The following ARHGAP27 variants were observed in gnomAD, a reference collection of about 807,000 sequenced individuals.
ARHGAP27 encodes rho GTPase-activating protein 27.
A neutral mutation model predicts 102.0 loss-of-function variants in ARHGAP27; 53 were observed. The ratio of observed to expected loss-of-function variants is 0.52; its 90% CI spans 0.42 to 0.65. The LOEUF (loss-of-function observed/expected upper bound fraction) is 0.65. Among genes scored for constraint, ARHGAP27 ranks in the 30% least tolerant of loss-of-function variants. ARHGAP27 has a pLI of 0.00. For missense variants in ARHGAP27, 1,117 were observed against 1,256.2 expected (o/e 0.89, Z 1.68); for synonymous variants, 525 against 542.8 (o/e 0.97, Z 0.46).
chr17:45,395,812 A>G lies in ARHGAP27; in HGVS notation c.2424T>C (p.Arg808=). 6.2e-7 allele frequency: 1 copy of G among 1,606,332 alleles called. No homozygotes were observed. Among genetic ancestry groups the G allele is most frequent in the East Asian group, 2.2e-5 (1 of 44,530 alleles). Residue 808 remains arginine, a synonymous_variant, in exon 19 of 20, where the codon CGT becomes CGC. Coordinates refer to ENST00000685559, the MANE Select transcript of ARHGAP27 (RefSeq NM_001282290.2). ...QDQARRSRCV[R]DLVRSLPAPN... Reference sequence around the variant, plus strand: ...GAGCGGGCAGCGAGCGCACCAAGTCACGCACACAGCGGCTGCGCCGGGCCT... The same window carrying G: ...GAGCGGGCAGCGAGCGCACCAAGTCGCGCACACAGCGGCTGCGCCGGGCCT...
intron 4 of ARHGAP27, among the ~76,000 whole-genome samples, chr17:45,406,974 C>A (rs2047248471): frequency 6.6e-6 from 1 of 152,120 alleles, no homozygotes; most frequent in South Asian, 2.1e-4. Context: ...TTTACTCCAC[C>A]CCAAAGGAGA....
Position 45,395,512 on chromosome 17 carries a change from T to G in ARHGAP27, c.2614A>C (p.Asn872His). The G allele has an allele frequency of 6.3e-7, 1 of 1,596,720 alleles. No individual in the cohort carries two copies. Among genetic ancestry groups the G allele is most frequent in the Non-Finnish European group, 8.5e-7 (1 of 1,171,404 alleles). The change falls in exon 20 of 20, where the codon AAC becomes CAC. Residue 872 changes from asparagine (N) to histidine (H), a missense_variant. Transcript: ENST00000685559. The part of the protein sequence containing the change: ...TSMPMTMVFQ[N>H]QVVELILQQC... The stretch of plus-strand genomic sequence containing the variant: ...TGCAGGATGAGCTCCACCACCTGGT[T>G]CTGGAACACCATGGTCATGGGCATG...
At chr17:45,405,187 C>G (rs1052461142) in intron 5 of ARHGAP27, 81 bp from the exon 6 acceptor site, 2 of 1,440,072 alleles carry the variant, frequency 1.4e-6, no homozygotes, top group Non-Finnish European at 9.3e-7. Flanking sequence ...CCAGGCCCAC[C>G]CCCTTGCCTT....
intron 4 of ARHGAP27, among the ~76,000 whole-genome samples, chr17:45,422,298 T>C (rs531654389): frequency 2.0e-5 from 3 of 148,602 alleles, no homozygotes; most frequent in Admixed American, 1.3e-4. Flanking sequence ...GGCCATGTGG[T>C]CCCACGTTCT....
At chr17:45,404,135 G>A (rs1037285597) in intron 9 of ARHGAP27, 39 bp from the exon 10 acceptor site, 1 of 1,612,506 alleles carries the variant, frequency 6.2e-7, no homozygotes, top group Non-Finnish European at 8.5e-7. Context: ...AGAGTGTGTA[G>A]TTAAGGGGTG....
Position 45,430,992 on chromosome 17 carries a change from G to T in ARHGAP27, c.-19+629C>A, listed in dbSNP as rs545547641. Reference sequence around the variant, plus strand: ...CTTCCCCAGCTGCATCACCGCAGACGTGAGCCCGAGCCCGGCCCGCCCAGC... The same window carrying T: ...CTTCCCCAGCTGCATCACCGCAGACTTGAGCCCGAGCCCGGCCCGCCCAGC... On this transcript the variant is annotated intron_variant, in intron 3 of 19. Transcript: ENST00000685559. This position sits in a 1 kb window ranked among gnomAD's most constrained non-coding sequence, Gnocchi z 4.4. Among the ~76,000 whole-genome samples, 6 of 152,002 alleles carry T rather than the reference G, an allele frequency of 3.9e-5. No homozygotes were observed. Among genetic ancestry groups the T allele is most frequent in the Non-Finnish European group, 7.4e-5 (5 of 67,986 alleles).
chr17:45,409,991 T>C (rs2144675712), intron 4 of ARHGAP27: 1 of 549,376 alleles, frequency 1.8e-6, no homozygotes, highest in South Asian at 2.3e-5. Context: ...GGTACTGCCT[T>C]ACAGTGGTTC....
At chr17:45,413,037 T>G (rs2048091966) in intron 4 of ARHGAP27, among the ~76,000 whole-genome samples, 1 of 128,384 alleles carries the variant, frequency 7.8e-6, no homozygotes, top group African/African-American at 2.9e-5. Flanking sequence ...TGGGGTGCAG[T>G]GGCTCGATCT....
At chr17:45,416,430 C>T (rs1249969480) in intron 4 of ARHGAP27, among the ~76,000 whole-genome samples, 1 of 151,738 alleles carries the variant, frequency 6.6e-6, no homozygotes, top group Non-Finnish European at 1.5e-5. Context: ...TAAAAATAAA[C>T]ACGGCAAATA....
intron 4 of ARHGAP27, among the ~76,000 whole-genome samples, chr17:45,412,768 G>A (rs9916694): frequency 0.014 from 2,179 of 152,186 alleles, 46 homozygotes; most frequent in African/African-American, 0.049. Context: ...GGGCAGGATC[G>A]GAGGAGCTGG....
intron 4 of ARHGAP27, among the ~76,000 whole-genome samples, chr17:45,419,512 G>GTGTATA (rs1555563610): frequency 8.3e-6 from 1 of 119,792 alleles, no homozygotes; most frequent in African/African-American, 3.4e-5. Flanking sequence ...TATGCTGTAT[G>GTGTATA]TATATATATA....
chr17:45,403,540 G>T, intron 11 of ARHGAP27, 79 bp downstream of exon 11: 1 of 1,226,702 alleles, frequency 8.2e-7, no homozygotes, highest in Non-Finnish European at 1.1e-6. Flanking sequence ...GACAGAGCGA[G>T]ACTCCGTCTC....
At chr17:45,414,602 C>G (rs572667938) in intron 4 of ARHGAP27, among the ~76,000 whole-genome samples, 5 of 143,358 alleles carry the variant, frequency 3.5e-5, no homozygotes, top group Non-Finnish European at 7.6e-5. Context: ...CACACCACCA[C>G]GCCCGGCTAA....
At chr17:45,397,615 A>G (rs1420802298) in intron 13 of ARHGAP27, 4 of 304,100 alleles carry the variant, frequency 1.3e-5, no homozygotes, top group African/African-American at 6.4e-5. Context: ...ATTGAAATCA[A>G]TCCTTTAAAA....
chr17:45,402,268 C>T (rs1329279740), intron 12 of ARHGAP27, among the ~76,000 whole-genome samples: 4 of 152,230 alleles, frequency 2.6e-5, no homozygotes, highest in Non-Finnish European at 4.4e-5. Flanking sequence ...CAGGCTGGGA[C>T]GAGGGCTGCC....
chr17:45,428,127 C>T (rs2049785109), intron 4 of ARHGAP27, among the ~76,000 whole-genome samples: 1 of 152,244 alleles, frequency 6.6e-6, no homozygotes, highest in South Asian at 2.1e-4. Flanking sequence ...GCCATTCCCC[C>T]ACCTCCAGGG....
intron 4 of ARHGAP27, chr17:45,410,321 T>C: frequency 6.7e-7 from 1 of 1,488,878 alleles, no homozygotes; most frequent in Non-Finnish European, 8.9e-7. Flanking sequence ...GACAGAGCCC[T>C]GGGAAGGTTT....
At chr17:45,432,466 A>T (rs938874945) in intron 1 of ARHGAP27, 117 bp from the exon 2 acceptor site, 1 of 152,608 alleles carries the variant, frequency 6.6e-6, no homozygotes, top group Non-Finnish European at 1.5e-5. Flanking sequence ...CTCAAGCTAC[A>T]GGGGCGTCAA....
chr17:45,419,518 A>ATGTG (rs1567727456), intron 4 of ARHGAP27, among the ~76,000 whole-genome samples: 1 of 10,402 alleles, frequency 9.6e-5, no homozygotes, highest in African/African-American at 2.0e-4. Flanking sequence ...GTATGTATAT[A>ATGTG]TATATATATA....
Sources: gnomAD v4.1 joint callset for allele counts (sites outside exome capture counted in the v4.1 genomes callset) on GRCh38, gnomAD v4.1.1 for gene constraint, Gnocchi (gnomAD v3.1) non-coding constraint, MANE v1.5 for transcripts, NCBI Gene and HGNC (gene_info 2026-07-23, HGNC 2026-07-21) for gene names.